The following COX16 variants were observed in gnomAD, a reference collection of about 807,000 sequenced individuals.
COX16 encodes cytochrome c oxidase assembly factor COX16.
Under a neutral mutation model 15.4 loss-of-function variants are expected in COX16, and 12 were observed. The observed-to-expected ratio is 0.78, with a 90% confidence interval of 0.50 to 1.26. COX16 has a LOEUF of 1.26. Ranked by LOEUF, COX16 falls within the 50% of genes most tolerant of loss-of-function variation. The probability of loss-of-function intolerance (pLI) is 0.00; values close to 1 mark genes in which losing one functional copy is unlikely to be tolerated. For synonymous variants in COX16, 46 were observed against 41.1 expected (o/e 1.12, Z -0.46); for missense variants, 124 against 127.6 (o/e 0.97, Z 0.14).
At chr14:70,345,058 A>G (rs879668432) in intron 1 of COX16, among the ~76,000 whole-genome samples, 18 of 152,154 alleles carry the variant, frequency 1.2e-4, no homozygotes, top group Non-Finnish European at 2.1e-4. Context: ...GAAACCCGGG[A>G]GAGGTTCTGG....
In COX16 at chr14:70,326,291, T is replaced by C; in HGVS notation, c.*42A>G. 1 of 1,411,730 alleles carries C rather than the reference T, an allele frequency of 7.1e-7. No individual in the cohort carries two copies. Among genetic ancestry groups the C allele is most frequent in the Non-Finnish European group, 9.3e-7 (1 of 1,074,922 alleles). The allele number at this position is 1,411,730 out of a possible 1,614,324, so 87.5% of individuals were successfully genotyped here. On this transcript the variant is annotated 3_prime_UTR_variant, in exon 4 of 4. Transcript: ENST00000389912. ...TATTAGGAAGTCCAGTTAATAATAT[T>C]TTTATTTAAAAAAAAAAAAAAGGAA... is the stretch of plus-strand genomic sequence containing the variant.
intron 1 of COX16, among the ~76,000 whole-genome samples, chr14:70,350,113 G>A (rs1886903498): frequency 6.6e-6 from 1 of 152,136 alleles, no homozygotes. Flanking sequence ...TCTCCCCGGG[G>A]CCTGAAAGCT....
intron 1 of COX16, among the ~76,000 whole-genome samples, chr14:70,344,122 A>G (rs565376780): frequency 1.3e-5 from 2 of 152,218 alleles, no homozygotes; most frequent in Non-Finnish European, 2.9e-5. Context: ...TGATCCATCC[A>G]GTGCAGGGTC....
At chr14:70,356,078 G>A (rs1385491610) in intron 1 of COX16, among the ~76,000 whole-genome samples, 1 of 152,044 alleles carries the variant, frequency 6.6e-6, no homozygotes, top group African/African-American at 2.4e-5. Context: ...GCAGAACCAT[G>A]AGCCAAAAGA....
At chr14:70,359,394 G>A in intron 1 of COX16, 125 bp downstream of exon 1, 1 of 832,508 alleles carries the variant, frequency 1.2e-6, no homozygotes. Flanking sequence ...TCACCCCGTC[G>A]CTAGCTCCTT....
intron 1 of COX16, among the ~76,000 whole-genome samples, chr14:70,351,796 T>C (rs991699388): frequency 5.3e-5 from 8 of 152,240 alleles, no homozygotes; most frequent in Admixed American, 5.2e-4. Context: ...TTCAAGGTTT[T>C]GTTGGTATTC....
At chr14:70,350,463 C>T (rs1489641763) in intron 1 of COX16, among the ~76,000 whole-genome samples, 2 of 152,118 alleles carry the variant, frequency 1.3e-5, no homozygotes, top group East Asian at 3.9e-4. Flanking sequence ...TCTCGGGGTT[C>T]AAACCAATAC....
chr14:70,357,881 C>T lies in COX16; in HGVS notation c.69+1638G>A, dbSNP rs118175670. Among the ~76,000 whole-genome samples the T allele has an allele frequency of 1.2e-3, 178 of 152,298 alleles. 1 individual carries two copies. Among genetic ancestry groups the T allele is most frequent in the Non-Finnish European group, 1.8e-3 (120 of 68,026 alleles). On this transcript the variant is annotated intron_variant, in intron 1 of 3. Coordinates refer to ENST00000389912, the MANE Select transcript of COX16 (RefSeq NM_016468.7). ...GTTACCATATGACCTAGCAATTCCACGTCTAGGTATATTCCCTACCTGAGA... is the reference window on the plus strand; with the variant it reads ...GTTACCATATGACCTAGCAATTCCATGTCTAGGTATATTCCCTACCTGAGA...
In COX16 at chr14:70,346,350, C is replaced by T. The variant is rs1013181959; in HGVS notation, c.70-3621G>A. Among the ~76,000 whole-genome samples the T allele has an allele frequency of 9.2e-5, 14 of 152,218 alleles. No homozygotes were observed. In the East Asian group the frequency reaches 9.6e-4, roughly 10 times the overall value. ...CAGGGGCCCTGCAGGCCCACGGGTC[C>T]GCAGCTCCACACGGAAGCCTCCTAG... On this transcript the variant is annotated intron_variant, in intron 1 of 3. Coordinates refer to ENST00000389912, the MANE Select transcript of COX16 (RefSeq NM_016468.7).
chr14:70,329,541 GT>G (rs1378607214), intron 2 of COX16, among the ~76,000 whole-genome samples: 1 of 151,948 alleles, frequency 6.6e-6, no homozygotes, highest in African/African-American at 2.4e-5. Flanking sequence ...GGGACACGGG[GT>G]TTGAATAACA....
At chr14:70,333,177 T>G (rs1337612574) in intron 2 of COX16, among the ~76,000 whole-genome samples, 1 of 152,198 alleles carries the variant, frequency 6.6e-6, no homozygotes, top group Non-Finnish European at 1.5e-5. Flanking sequence ...AACTGTCACA[T>G]TTCCTTGAGT....
chr14:70,330,076 G>A (rs906689186), intron 2 of COX16, among the ~76,000 whole-genome samples: 19 of 152,028 alleles, frequency 1.2e-4, no homozygotes, highest in Admixed American at 6.5e-4. Flanking sequence ...ACATAGCAAT[G>A]AGTCCTCAGA....
intron 2 of COX16, among the ~76,000 whole-genome samples, chr14:70,336,100 C>A (rs1379265541): frequency 6.6e-6 from 1 of 151,894 alleles, no homozygotes. Context: ...ACTAAAAATA[C>A]AAAAAATTAG....
intron 1 of COX16, among the ~76,000 whole-genome samples, chr14:70,350,047 T>C (rs1383346682): frequency 1.3e-5 from 2 of 152,204 alleles, no homozygotes; most frequent in African/African-American, 4.8e-5. Context: ...GAAGTAGTTA[T>C]TGAGAAAGTC....
chr14:70,342,669 C>A lies in COX16; in HGVS notation c.130G>T (p.Val44Leu). 1 of 1,612,508 alleles carries A rather than the reference C, an allele frequency of 6.2e-7. No homozygotes were observed. Among genetic ancestry groups the A allele is most frequent in the Non-Finnish European group, 8.5e-7 (1 of 1,179,618 alleles). The change falls in exon 2 of 4, where the codon GTG becomes TTG. Residue 44 changes from valine to leucine, a missense_variant. By Grantham distance (32) the Val-to-Leu change is conservative (BLOSUM62 1). Transcript: ENST00000389912. Reference sequence around the variant, plus strand: ...ATTATATTTCTTACTTTACTCTTCACAGCATCATATCGGATTTGAGAAAAC... The same window carrying A: ...ATTATATTTCTTACTTTACTCTTCAAAGCATCATATCGGATTTGAGAAAAC... ...REFSQIRYDA[V>L]KSKMDPELEK...
At chr14:70,330,945 A>ATACTT (rs1011332281) in intron 2 of COX16, among the ~76,000 whole-genome samples, 35 of 152,368 alleles carry the variant, frequency 2.3e-4, no homozygotes, top group African/African-American at 8.2e-4. Context: ...AAAAATATTT[A>ATACTT]TACTTTGGAG....
intron 2 of COX16, among the ~76,000 whole-genome samples, chr14:70,332,334 C>T (rs1886316213): frequency 6.6e-6 from 1 of 152,250 alleles, no homozygotes; most frequent in African/African-American, 2.4e-5. Flanking sequence ...TTGCCAACCT[C>T]CTGTCACAGC....
intron 1 of COX16, among the ~76,000 whole-genome samples, chr14:70,348,509 G>A (rs375091465): frequency 6.6e-6 from 1 of 152,118 alleles, no homozygotes; most frequent in African/African-American, 2.4e-5. Context: ...TACTTGGTTT[G>A]TAGATGGCAG....
chr14:70,329,660 T>C (rs1205293884), intron 2 of COX16, among the ~76,000 whole-genome samples: 1 of 136,188 alleles, frequency 7.3e-6, no homozygotes, highest in African/African-American at 2.7e-5. Flanking sequence ...AAAATACTAA[T>C]ATAATGCTGC....
Sources: allele counts gnomAD v4.1 joint callset (sites outside exome capture counted in the v4.1 genomes callset), GRCh38; gene constraint gnomAD v4.1.1; transcripts MANE v1.5; gene names NCBI Gene and HGNC (gene_info 2026-07-23, HGNC 2026-07-21).